The following RIMS2 variants were observed in gnomAD, a reference collection of about 807,000 sequenced individuals.
The protein encoded by RIMS2 is regulating synaptic membrane exocytosis 2, also known as regulating synaptic membrane exocytosis protein 2.
Under a neutral mutation model 174.4 loss-of-function variants are expected in RIMS2, and 59 were observed. That is an observed-to-expected ratio of 0.34 (90% CI 0.27 to 0.42). RIMS2 has a LOEUF of 0.42. Among genes scored for constraint, RIMS2 ranks in the 10% least tolerant of loss-of-function variants. RIMS2 has a pLI of 1.00. For synonymous variants in RIMS2, 606 were observed against 572.5 expected, an observed-to-expected ratio of 1.06 and a Z score of -0.84; for missense variants, 1,620 against 1,666.3, an observed-to-expected ratio of 0.97 and a Z score of 0.48.
At chr8:103,658,176 T>G (rs1476279024) in intron 1 of RIMS2, among the ~76,000 whole-genome samples, 3 of 152,342 alleles carry the variant, frequency 2.0e-5, no homozygotes, top group Non-Finnish European at 2.9e-5. Flanking sequence ...TAACAGCTAT[T>G]AGGTTGGTGC....
intron 13 of RIMS2, among the ~76,000 whole-genome samples, chr8:103,940,966 G>C (rs556767562): frequency 1.3e-5 from 2 of 151,906 alleles, no homozygotes; most frequent in South Asian, 4.2e-4. Flanking sequence ...GGAGCTAGCT[G>C]CCTGGGTTTA....
intron 19 of RIMS2, among the ~76,000 whole-genome samples, chr8:104,149,286 AC>A (rs1385618147): frequency 6.6e-6 from 1 of 152,156 alleles, no homozygotes; most frequent in African/African-American, 2.4e-5. Flanking sequence ...TTTGCTGACA[AC>A]CCAACTTCCT....
In RIMS2 at chr8:104,070,906, G is replaced by A. The variant is rs73699071; in HGVS notation, c.3334+56291G>A. On this transcript the variant is annotated intron_variant, in intron 19 of 23. Transcript: ENST00000504942. ...AAGATCCTACATACCCACTACATGT[G>A]GGCAATGTCAACCCTGAGCTTCCTA... Among the ~76,000 whole-genome samples, 318 of 152,162 alleles carry A rather than the reference G, an allele frequency of 2.1e-3. 1 individual carries two copies. The highest frequency in any genetic ancestry group is 7.5e-3 in the African/African-American group (313 of 41,532).
chr8:103,522,736 A>C (rs1832311288), intron 1 of RIMS2, among the ~76,000 whole-genome samples: 1 of 152,138 alleles, frequency 6.6e-6, no homozygotes, highest in African/African-American at 2.4e-5. Context: ...CAATAACCTT[A>C]ATTTCTGAAT....
At chr8:103,886,357 G>A (rs529057810) in intron 4 of RIMS2, 134 bp downstream of exon 7, 9 of 702,524 alleles carry the variant, frequency 1.3e-5, no homozygotes, top group South Asian at 4.2e-5. Flanking sequence ...GGCATCGAAC[G>A]TGTGAAGAAA....
intron 3 of RIMS2, among the ~76,000 whole-genome samples, chr8:103,862,844 T>A (rs2099065754): frequency 6.6e-6 from 1 of 152,146 alleles, no homozygotes; most frequent in Admixed American, 6.5e-5. Context: ...TTTACTGAAG[T>A]TATTTATTAA....
chr8:103,799,843 T>C (rs989678257), intron 3 of RIMS2, among the ~76,000 whole-genome samples: 5 of 152,204 alleles, frequency 3.3e-5, no homozygotes, highest in Admixed American at 3.3e-4. Flanking sequence ...AATGTTGATG[T>C]AGTTAAATTC....
intron 1 of RIMS2, among the ~76,000 whole-genome samples, chr8:103,650,546 A>G (rs980484244): frequency 6.6e-6 from 1 of 152,210 alleles, no homozygotes. Flanking sequence ...AGAGATAGAG[A>G]ACCCCTGGGA....
At chr8:103,892,839 T>C (rs1355012122) in intron 4 of RIMS2, among the ~76,000 whole-genome samples, 1 of 152,104 alleles carries the variant, frequency 6.6e-6, no homozygotes, top group Non-Finnish European at 1.5e-5. Context: ...AAGGCTGTTA[T>C]GTTGGATTGG....
intron 3 of RIMS2, among the ~76,000 whole-genome samples, chr8:103,767,076 G>T (rs373582178): frequency 3.3e-5 from 5 of 152,136 alleles, no homozygotes; most frequent in African/African-American, 1.2e-4. Flanking sequence ...TTTTGGCTCC[G>T]TACTATGGGC....
At chr8:103,645,250 CTG>C (rs1439191872) in intron 1 of RIMS2, among the ~76,000 whole-genome samples, 1 of 151,982 alleles carries the variant, frequency 6.6e-6, no homozygotes, top group African/African-American at 2.4e-5. Context: ...CATTTTGTGA[CTG>C]TATTTAAATA....
At chr8:103,860,502 G>A (rs1451941316) in intron 3 of RIMS2, among the ~76,000 whole-genome samples, 1 of 152,108 alleles carries the variant, frequency 6.6e-6, no homozygotes, top group Admixed American at 6.6e-5. Flanking sequence ...GGGGCTTAGG[G>A]AAAGGGTGCA....
intron 19 of RIMS2, among the ~76,000 whole-genome samples, chr8:104,194,219 C>T (rs1268511857): frequency 6.6e-6 from 1 of 151,784 alleles, no homozygotes; most frequent in East Asian, 1.9e-4. Flanking sequence ...CATATGATTT[C>T]TCTGTAATCT....
chr8:104,247,913 C>T (rs572166791), intron 20 of RIMS2, among the ~76,000 whole-genome samples: 3 of 152,148 alleles, frequency 2.0e-5, no homozygotes, highest in African/African-American at 4.8e-5. Context: ...GGAATTCAGA[C>T]ATAGAAAAAA....
intron 15 of RIMS2, among the ~76,000 whole-genome samples, chr8:103,964,029 A>G (rs2091037978): frequency 6.6e-6 from 1 of 152,176 alleles, no homozygotes; most frequent in South Asian, 2.1e-4. Context: ...GCTGAATAAT[A>G]TTCCATTGTC....
intron 19 of RIMS2, among the ~76,000 whole-genome samples, chr8:104,107,281 C>T (rs2098088443): frequency 6.6e-6 from 1 of 152,102 alleles, no homozygotes; most frequent in South Asian, 2.1e-4. Flanking sequence ...TGAATTCTTC[C>T]ATGACGTACC....
At chr8:104,166,356 G>A (rs12546060) in intron 19 of RIMS2, among the ~76,000 whole-genome samples, 65,640 of 151,530 alleles carry the variant, frequency 0.43, 14,672 homozygotes, top group East Asian at 0.63. Context: ...TTGAGCCACC[G>A]GGCCCGGCCT....
At chr8:103,762,612 G>A (rs549432476) in intron 2 of RIMS2, among the ~76,000 whole-genome samples, 4 of 152,184 alleles carry the variant, frequency 2.6e-5, no homozygotes, top group African/African-American at 7.2e-5. Flanking sequence ...ATTCAATACC[G>A]TCGCCAATTT....
intron 2 of RIMS2, among the ~76,000 whole-genome samples, chr8:103,708,563 A>G (rs2097262453): frequency 6.6e-6 from 1 of 152,154 alleles, no homozygotes. Context: ...CAGGGACATG[A>G]TCACAGGAGA....
Sources: gnomAD v4.1 joint callset for allele counts (sites outside exome capture counted in the v4.1 genomes callset) on GRCh38, gnomAD v4.1.1 for gene constraint, MANE v1.5 for transcripts, NCBI Gene and HGNC (gene_info 2026-07-23, HGNC 2026-07-21) for gene names.